TYW1: variants seen among roughly 807,000 people sequenced by gnomAD.
The protein encoded by TYW1 is tRNA-yW synthesizing protein 1 homolog.
TYW1 carries 46 observed loss-of-function variants against 96.2 expected under a neutral mutation model. The ratio of observed to expected loss-of-function variants is 0.48; its 90% CI spans 0.38 to 0.61. The LOEUF is 0.61. TYW1 is among the 20% of genes least tolerant of loss of function. TYW1 has a pLI of 0.00. For missense variants in TYW1, 684 were observed against 909.6 expected (o/e 0.75, Z 3.19); for synonymous variants, 274 against 323.0 (o/e 0.85, Z 1.63).
chr7:67,118,582 A>G (rs1363310139), intron 13 of TYW1, among the ~76,000 whole-genome samples: 4 of 152,060 alleles, frequency 2.6e-5, no homozygotes, highest in African/African-American at 7.2e-5. Context: ...AGGACCGACT[A>G]CACGTAACCA....
intron 15 of TYW1, among the ~76,000 whole-genome samples, chr7:67,230,523 C>T (rs1284306207): frequency 6.6e-6 from 1 of 152,020 alleles, no homozygotes; most frequent in Non-Finnish European, 1.5e-5. Flanking sequence ...TCCATTTCCC[C>T]CTCTCAAGCA....
Position 67,103,236 on chromosome 7 carries a change from T to C in TYW1, c.1562+4518T>C, listed in dbSNP as rs537690449. The stretch of plus-strand genomic sequence containing the variant: ...TCTGATAATGGAAGTCTGGTAGACA[T>C]GGGTTGAGGACATAATCTTTCAGTT... On this transcript the variant is annotated intron_variant, in intron 12 of 15. Coordinates refer to ENST00000359626, the MANE Select transcript of TYW1 (RefSeq NM_018264.4). 1.1e-4 allele frequency among the ~76,000 whole-genome samples: 17 copies of C among 152,308 alleles called. No individual in the cohort carries two copies. In the South Asian group the frequency reaches 3.1e-3, roughly 28 times the overall value.
intron 15 of TYW1, among the ~76,000 whole-genome samples, chr7:67,217,920 G>A (rs1001789563): frequency 7.5e-5 from 9 of 119,784 alleles, no homozygotes; most frequent in African/African-American, 2.9e-4. Context: ...GTGCAATGAT[G>A]TGATCTTGGC....
chr7:67,206,103 A>G (rs1299271150), intron 15 of TYW1, among the ~76,000 whole-genome samples: 16 of 152,240 alleles, frequency 1.1e-4, no homozygotes, highest in Non-Finnish European at 1.5e-5. Context: ...CCTAGTGAAC[A>G]GTAATGCCAA....
At chr7:67,091,150 A>T (rs928166618) in intron 11 of TYW1, among the ~76,000 whole-genome samples, 1 of 152,036 alleles carries the variant, frequency 6.6e-6, no homozygotes, top group African/African-American at 2.4e-5. Flanking sequence ...AATAGCAAAG[A>T]CTTGGAACCA....
intron 7 of TYW1, among the ~76,000 whole-genome samples, chr7:67,040,971 T>A (rs1038800231): frequency 1.3e-5 from 2 of 152,220 alleles, no homozygotes; most frequent in African/African-American, 4.8e-5. Context: ...GAGAAAACAC[T>A]AATGAAGATT....
intron 15 of TYW1, among the ~76,000 whole-genome samples, chr7:67,203,240 T>A (rs1375809785): frequency 6.6e-6 from 1 of 152,244 alleles, no homozygotes; most frequent in East Asian, 1.9e-4. Context: ...CTGACGATAA[T>A]AGAGCCACTT....
At chr7:67,051,913 A>G (rs1013445032) in intron 8 of TYW1, among the ~76,000 whole-genome samples, 39 of 151,996 alleles carry the variant, frequency 2.6e-4, no homozygotes, top group Non-Finnish European at 5.0e-4. Context: ...TTTGCTGGAT[A>G]TAGAATTGTA....
chr7:67,086,921 G>A (rs1036412502), intron 11 of TYW1, among the ~76,000 whole-genome samples: 14 of 152,084 alleles, frequency 9.2e-5, no homozygotes, highest in Admixed American at 1.3e-4. Context: ...GTTGATTTTT[G>A]AGTTAGTGCT....
At chr7:67,032,419 G>C (rs1794699594) in intron 7 of TYW1, among the ~76,000 whole-genome samples, 1 of 152,078 alleles carries the variant, frequency 6.6e-6, no homozygotes, top group African/African-American at 2.4e-5. Flanking sequence ...AGGAGTTTGA[G>C]ACCAGCCTGG....
At chr7:67,069,208 A>G (rs905743164) in intron 10 of TYW1, among the ~76,000 whole-genome samples, 4 of 152,216 alleles carry the variant, frequency 2.6e-5, no homozygotes, top group African/African-American at 9.6e-5. Context: ...TGTTACAAAT[A>G]TGAAATCAGA....
chr7:66,998,443 C>A (rs1344047297), intron 2 of TYW1, among the ~76,000 whole-genome samples: 1 of 152,010 alleles, frequency 6.6e-6, no homozygotes, highest in Admixed American at 6.6e-5. Context: ...AAAAGTGAAC[C>A]TTTTATATGA....
chr7:67,221,567 T>C (rs1801392243), intron 15 of TYW1, among the ~76,000 whole-genome samples: 1 of 152,234 alleles, frequency 6.6e-6, no homozygotes, highest in Admixed American at 6.5e-5. Flanking sequence ...TTGTCTCATT[T>C]TCTGAATATT....
chr7:67,178,344 A>G (rs1799741914), intron 13 of TYW1, among the ~76,000 whole-genome samples: 1 of 152,242 alleles, frequency 6.6e-6, no homozygotes, highest in Admixed American at 6.5e-5. Flanking sequence ...CATGCACTCT[A>G]CTGGGCCACT....
At chr7:67,111,216 T>A (rs1319265948) in intron 12 of TYW1, among the ~76,000 whole-genome samples, 1 of 152,032 alleles carries the variant, frequency 6.6e-6, no homozygotes, top group Non-Finnish European at 1.5e-5. Flanking sequence ...TCCTTTTTTT[T>A]TTTCCGAGAC....
chr7:67,215,715 C>G (rs1801179536), intron 15 of TYW1, among the ~76,000 whole-genome samples: 2 of 151,968 alleles, frequency 1.3e-5, no homozygotes, highest in African/African-American at 4.8e-5. Context: ...CCACAATAAG[C>G]TGTCTGCAAG....
chr7:67,073,186 G>A (rs1382460269), intron 10 of TYW1, among the ~76,000 whole-genome samples: 1 of 152,020 alleles, frequency 6.6e-6, no homozygotes, highest in Non-Finnish European at 1.5e-5. Flanking sequence ...TAAATCAGTG[G>A]TTCTCAACTG....
rs2129251804 is a variant in TYW1, at chr7:67,033,450, G to A, written c.984+8428G>A. 3.3e-5 allele frequency among the ~76,000 whole-genome samples: 5 copies of A among 152,268 alleles called. No homozygotes were observed. The South Asian group carries it at 1.0e-3, about 32-fold the overall frequency. ...CCGTTTGCTTCTGAATTTCCTAGGC[G>A]GCAGCCGTACGTCAATCTGTAATCC... is the stretch of plus-strand genomic sequence containing the variant. On this transcript the variant is annotated intron_variant, in intron 7 of 15. Transcript: ENST00000359626.
At position 67,137,551 on chromosome 7, in the gene TYW1, T is replaced by C. The variant is rs749929665; in HGVS notation, c.1698+19933T>C. 9.8e-5 allele frequency among the ~76,000 whole-genome samples: 15 copies of C among 152,330 alleles called. No individual in the cohort carries two copies. The East Asian group carries it at 2.5e-3, about 25-fold the overall frequency. ...GCCTACCTAACAGGAAACAATTCCA[T>C]TGGGCAAAATGCTTTTAAGCACAGG... On this transcript the variant is annotated intron_variant, in intron 13 of 15. Coordinates refer to ENST00000359626, the MANE Select transcript of TYW1 (RefSeq NM_018264.4).
Sources: allele counts gnomAD v4.1 joint callset (sites outside exome capture counted in the v4.1 genomes callset), GRCh38; gene constraint gnomAD v4.1.1; transcripts MANE v1.5; gene names NCBI Gene and HGNC (gene_info 2026-07-23, HGNC 2026-07-21).